TEX11: variants seen among roughly 807,000 people sequenced by gnomAD.
The protein encoded by TEX11 is testis-expressed protein 11.
TEX11 carries 7 observed loss-of-function variants against 84.4 expected under a neutral mutation model. That is an observed-to-expected ratio of 0.08 (90% CI 0.05 to 0.16). TEX11 has a LOEUF of 0.16. TEX11 is among the 10% of genes least tolerant of loss of function. The pLI is 1.00. For synonymous variants in TEX11, 264 were observed against 222.8 expected (o/e 1.18, Z -1.64); for missense variants, 551 against 660.5 (o/e 0.83, Z 1.82).
chrX:70,517,098 T>C, the TEX11 span, among the ~76,000 whole-genome samples: 5 of 111,609 alleles, frequency 4.5e-5, no homozygotes, highest in South Asian at 1.1e-3. Context: ...CTTTTCCTAA[T>C]TGAATACCCT....
At chrX:70,652,654 A>T (rs187067622) in intron 16 of TEX11, among the ~76,000 whole-genome samples, 46 of 112,149 alleles carry the variant, frequency 4.1e-4, no homozygotes, top group African/African-American at 1.5e-3. Context: ...AGTAGGAAAC[A>T]GAGACCATAA....
At chrX:70,706,458 A>T (rs2090377384) in intron 13 of TEX11, among the ~76,000 whole-genome samples, 1 of 111,316 alleles carries the variant, frequency 9.0e-6, no homozygotes, top group Admixed American at 9.6e-5. Flanking sequence ...AAGTATATAT[A>T]AAAAAAGATA....
intron 25 of TEX11, among the ~76,000 whole-genome samples, chrX:70,585,041 T>C (rs1435163740): frequency 8.9e-6 from 1 of 111,767 alleles, no homozygotes; most frequent in Non-Finnish European, 1.9e-5. Flanking sequence ...TTTAGCCAGA[T>C]AAATTAGGCA....
chrX:70,903,859 C>T (rs1373299962), intron 2 of TEX11, among the ~76,000 whole-genome samples: 1 of 108,246 alleles, frequency 9.2e-6, no homozygotes, highest in Non-Finnish European at 1.9e-5. Flanking sequence ...AAGACAGGAT[C>T]TCACTCTGTC....
intron 11 of TEX11, among the ~76,000 whole-genome samples, chrX:70,733,065 T>A (rs1363428642): frequency 5.4e-5 from 6 of 111,810 alleles, no homozygotes; most frequent in Non-Finnish European, 9.4e-5. Context: ...GATTCCCAAT[T>A]TAATAAATGG....
chrX:70,559,376 CAG>C (rs1263353510), intron 25 of TEX11, among the ~76,000 whole-genome samples: 9 of 112,072 alleles, frequency 8.0e-5, no homozygotes, highest in Non-Finnish European at 1.3e-4. Flanking sequence ...GCTATAGAAA[CAG>C]AAAGTAGATT....
intron 11 of TEX11, among the ~76,000 whole-genome samples, chrX:70,732,389 T>C (rs1160495513): frequency 1.8e-5 from 2 of 111,640 alleles, no homozygotes. Context: ...CATGATTGTA[T>C]ATCTAGAAAA....
At chrX:70,783,901 A>C (rs1219815122) in intron 9 of TEX11, among the ~76,000 whole-genome samples, 1 of 111,847 alleles carries the variant, frequency 8.9e-6, no homozygotes, top group Non-Finnish European at 1.9e-5. Context: ...CAGAGGTACA[A>C]AGAGGAGCTG....
At chrX:70,519,459 G>A in the TEX11 span, among the ~76,000 whole-genome samples, 1 of 112,285 alleles carries the variant, frequency 8.9e-6, no homozygotes. Flanking sequence ...CTTCTGGCTT[G>A]TAGAGTTTCT....
intron 25 of TEX11, among the ~76,000 whole-genome samples, chrX:70,570,227 C>A (rs887969303): frequency 1.8e-5 from 2 of 112,241 alleles, no homozygotes; most frequent in African/African-American, 3.2e-5. Context: ...GGGATATAAT[C>A]TCCTGGTGCG....
intron 25 of TEX11, among the ~76,000 whole-genome samples, chrX:70,561,502 C>T (rs1474051873): frequency 9.4e-6 from 1 of 106,105 alleles, no homozygotes; most frequent in Non-Finnish European, 1.9e-5. Context: ...ATTCTTCTAC[C>T]TCAGCCTCCC....
chrX:70,869,123 AAAAT>A, intron 4 of TEX11, among the ~76,000 whole-genome samples: 1 of 108,444 alleles, frequency 9.2e-6, no homozygotes, highest in East Asian at 2.9e-4. Context: ...AAAACAAAAT[AAAAT>A]AAAGAAAAGA....
At position 70,726,832 on chromosome X, in the gene TEX11, C is replaced by CT. The variant is rs1306630026; in HGVS notation, c.844-1490dup. On this transcript the variant is annotated intron_variant, in intron 11 of 29. Transcript: ENST00000374333. The stretch of plus-strand genomic sequence containing the variant: ...AGGCATGAGCCACCAGGCCTGGCTG[C>CT]TTTTTTTTTTTCATTATTTGAGACA... Among the ~76,000 whole-genome samples the CT allele has an allele frequency of 9.8e-3, 981 of 100,117 alleles. 5 individuals are homozygous for CT. Among genetic ancestry groups the CT allele is most frequent in the African/African-American group, 0.021 (574 of 27,656 alleles). The allele number at this position is 100,117 out of a possible 115,157, so 86.9% of individuals were successfully genotyped here.
chrX:70,828,707 C>T (rs1569450899), intron 8 of TEX11, among the ~76,000 whole-genome samples: 1 of 110,902 alleles, frequency 9.0e-6, no homozygotes, highest in African/African-American at 3.3e-5. Flanking sequence ...ATATCCCAAA[C>T]CTGGAGAAAG....
At chrX:70,826,172 A>C (rs1316746590) in intron 8 of TEX11, among the ~76,000 whole-genome samples, 2 of 108,766 alleles carry the variant, frequency 1.8e-5, no homozygotes, top group Non-Finnish European at 3.8e-5. Flanking sequence ...GTAGCTGGGC[A>C]TGGTGGCTCA....
chrX:70,547,241 T>A (rs2088142152), intron 28 of TEX11, among the ~76,000 whole-genome samples: 1 of 110,400 alleles, frequency 9.1e-6, no homozygotes, highest in African/African-American at 3.3e-5. Flanking sequence ...GCAAGAATTG[T>A]CTGCAAATGG....
intron 9 of TEX11, among the ~76,000 whole-genome samples, chrX:70,766,702 G>A (rs932344570): frequency 7.2e-5 from 8 of 111,233 alleles, no homozygotes; most frequent in Admixed American, 1.9e-4. Context: ...AAATCTGGAG[G>A]AATCACACTA....
chrX:70,604,371 A>G (rs5980719), intron 24 of TEX11, among the ~76,000 whole-genome samples: 2 of 109,988 alleles, frequency 1.8e-5, no homozygotes, highest in Non-Finnish European at 3.8e-5. Flanking sequence ...TGCTCTGGGG[A>G]AGGTAGAGTC....
At chrX:70,672,544 A>G (rs1490680368) in intron 15 of TEX11, among the ~76,000 whole-genome samples, 1 of 111,936 alleles carries the variant, frequency 8.9e-6, no homozygotes, top group African/African-American at 3.2e-5. Context: ...GGCTATTCTA[A>G]GAATTATGTA....
Sources: allele counts gnomAD v4.1 joint callset (sites outside exome capture counted in the v4.1 genomes callset), GRCh38; gene constraint gnomAD v4.1.1; transcripts MANE v1.5; gene names NCBI Gene and HGNC (gene_info 2026-07-23, HGNC 2026-07-21).